PLCL1: variants seen among roughly 807,000 people sequenced by gnomAD.
PLCL1 encodes inactive phospholipase C-like protein 1.
In PLCL1, 41 loss-of-function variants were observed where a neutral mutation model predicts 84.4. That is an observed-to-expected ratio of 0.49 (90% CI 0.38 to 0.63). The LOEUF (loss-of-function observed/expected upper bound fraction) is 0.63. PLCL1 is among the 30% of genes least tolerant of loss of function. PLCL1 has a pLI of 0.00. For synonymous variants in PLCL1, 490 were observed against 488.3 expected (o/e 1.00, Z -0.05); for missense variants, 1,206 against 1,367.8 (o/e 0.88, Z 1.87).
intron 1 of PLCL1, among the ~76,000 whole-genome samples, chr2:197,955,015 G>T (rs868234462): frequency 6.6e-6 from 1 of 151,896 alleles, no homozygotes; most frequent in Non-Finnish European, 1.5e-5. Context: ...TTTTCTAGGC[G>T]GTGTATATAC....
intron 5 of PLCL1, among the ~76,000 whole-genome samples, chr2:198,109,348 C>T (rs1418806064): frequency 6.6e-6 from 1 of 151,848 alleles, no homozygotes; most frequent in Non-Finnish European, 1.5e-5. Context: ...CACTAATCAC[C>T]TCCTAAAGGC....
Position 197,805,414 on chromosome 2 carries a change from G to GC in PLCL1, c.240+75_240+76insC. ...GTCAGGGACCCGGGCAGGATGTGCG[G>GC]TGTCCGGAGGCATCCGGGCTCAGCA... On this transcript the variant is annotated intron_variant, in intron 1 of 5. Coordinates refer to ENST00000428675, the MANE Select transcript of PLCL1 (RefSeq NM_006226.4). This position sits in a 1 kb window ranked among gnomAD's most constrained non-coding sequence, Gnocchi z 4.0. The GC allele has an allele frequency of 8.1e-7, 1 of 1,234,294 alleles. No homozygotes were observed. 76.5% of individuals were successfully genotyped at this position (1,234,294 alleles called of 1,614,324 possible). A position where few individuals can be genotyped will look rare whatever the true frequency, so the allele number is the denominator to read the frequency against.
chr2:198,135,718 C>T (rs1694240314), intron 5 of PLCL1, among the ~76,000 whole-genome samples: 1 of 152,150 alleles, frequency 6.6e-6, no homozygotes, highest in Non-Finnish European at 1.5e-5. Context: ...CAGAGCACCC[C>T]CGTAGGAACC....
chr2:197,930,366 G>T (rs1164269672), intron 1 of PLCL1, among the ~76,000 whole-genome samples: 1 of 152,146 alleles, frequency 6.6e-6, no homozygotes, highest in East Asian at 1.9e-4. Context: ...ACATGCAAAT[G>T]ATATGACTGA....
At chr2:198,115,214 G>T (rs1375217521) in intron 5 of PLCL1, among the ~76,000 whole-genome samples, 1 of 151,854 alleles carries the variant, frequency 6.6e-6, no homozygotes, top group African/African-American at 2.4e-5. Flanking sequence ...CAAAGTTCCA[G>T]GGCCTAAGGG....
chr2:197,879,495 T>G (rs901507209), intron 1 of PLCL1, among the ~76,000 whole-genome samples: 1 of 152,158 alleles, frequency 6.6e-6, no homozygotes, highest in African/African-American at 2.4e-5. Flanking sequence ...AAAATGGATT[T>G]TTTTTGGCCT....
intron 1 of PLCL1, among the ~76,000 whole-genome samples, chr2:197,922,767 G>A (rs1169023918): frequency 5.7e-5 from 7 of 122,572 alleles, no homozygotes; most frequent in African/African-American, 8.9e-5. Flanking sequence ...GTGGCTGGCC[G>A]GGCAGGGGGC....
At chr2:197,875,314 T>C (rs938782263) in intron 1 of PLCL1, among the ~76,000 whole-genome samples, 2 of 152,126 alleles carry the variant, frequency 1.3e-5, no homozygotes, top group Admixed American at 1.3e-4. Flanking sequence ...AATGTATTTA[T>C]GTAAAGTTCA....
At chr2:198,000,787 CTT>C (rs1690581970) in intron 1 of PLCL1, among the ~76,000 whole-genome samples, 1 of 151,158 alleles carries the variant, frequency 6.6e-6, no homozygotes, top group African/African-American at 2.4e-5. Flanking sequence ...ACTATTCAAA[CTT>C]TTCAAACTTT....
At chr2:197,807,449 G>A (rs1229519071) in intron 1 of PLCL1, among the ~76,000 whole-genome samples, 2 of 152,236 alleles carry the variant, frequency 1.3e-5, no homozygotes, top group Non-Finnish European at 2.9e-5. Flanking sequence ...AGTCATTGGG[G>A]TCTGTTCCCA....
At chr2:198,045,552 A>T (rs949094694) in intron 1 of PLCL1, among the ~76,000 whole-genome samples, 35 of 152,224 alleles carry the variant, frequency 2.3e-4, no homozygotes, top group Admixed American at 6.5e-5. Context: ...TAGAATTTCC[A>T]AATTGACATG....
intron 1 of PLCL1, among the ~76,000 whole-genome samples, chr2:197,869,881 C>T (rs552690516): frequency 1.1e-4 from 17 of 152,264 alleles, no homozygotes; most frequent in East Asian, 3.9e-4. Context: ...TCAGGGATCA[C>T]ATGAAAGAAA....
At chr2:197,964,770 GT>G (rs1389037740) in intron 1 of PLCL1, among the ~76,000 whole-genome samples, 4 of 152,038 alleles carry the variant, frequency 2.6e-5, no homozygotes, top group African/African-American at 4.8e-5. Flanking sequence ...TTTATACCCT[GT>G]TTTTTGAGAG....
intron 5 of PLCL1, among the ~76,000 whole-genome samples, chr2:198,131,653 C>G (rs538968524): frequency 6.6e-6 from 1 of 152,260 alleles, no homozygotes; most frequent in Non-Finnish European, 1.5e-5. Flanking sequence ...CAGCCATAAC[C>G]CCTATTCTTT....
chr2:197,947,232 A>G lies in PLCL1; in HGVS notation c.241-136526A>G, dbSNP rs1297711104. Among the ~76,000 whole-genome samples, 3 of 99,030 alleles carry G rather than the reference A, an allele frequency of 3.0e-5. No homozygotes were observed. In the Admixed American group the frequency reaches 3.2e-4, roughly 11 times the overall value. 65.0% of individuals were successfully genotyped at this position (99,030 alleles called of 152,430 possible). On this transcript the variant is annotated intron_variant, in intron 1 of 5. Transcript: ENST00000428675. ...TAAAGAGTAAAGGGTAGAGGTGCTT[A>G]GATAAATATATATATATATATATAT...
rs925475728 is a variant in PLCL1, at chr2:197,805,989, A to C, written c.240+650A>C. Reference sequence around the variant, plus strand: ...GAAAACGCTTCCTGACCCGCTAATCACCTCACAGAATTTCTCTCCATCCAT... The same window carrying C: ...GAAAACGCTTCCTGACCCGCTAATCCCCTCACAGAATTTCTCTCCATCCAT... On this transcript the variant is annotated intron_variant, in intron 1 of 5. Transcript: ENST00000428675. The surrounding 1 kb of genome is among the most constrained non-coding windows in gnomAD (Gnocchi z 4.0). Among the ~76,000 whole-genome samples, 1 of 152,122 alleles carries C rather than the reference A, an allele frequency of 6.6e-6. No individual in the cohort carries two copies. The highest frequency in any genetic ancestry group is 6.5e-5 in the Admixed American group (1 of 15,286).
chr2:197,896,485 T>C (rs1574936801), intron 1 of PLCL1, among the ~76,000 whole-genome samples: 1 of 152,000 alleles, frequency 6.6e-6, no homozygotes, highest in Admixed American at 6.6e-5. Context: ...TCTGGAATCA[T>C]ATCATTTTTA....
intron 1 of PLCL1, among the ~76,000 whole-genome samples, chr2:197,829,348 C>T (rs531981069): frequency 6.4e-4 from 97 of 152,256 alleles, no homozygotes; most frequent in African/African-American, 2.3e-3. Context: ...ACTTAGAGAG[C>T]TAGCTTTAAG....
intron 1 of PLCL1, among the ~76,000 whole-genome samples, chr2:198,004,858 A>G (rs545910538): frequency 1.3e-5 from 2 of 152,342 alleles, no homozygotes; most frequent in South Asian, 2.1e-4. Context: ...TAGACTTGCC[A>G]TGTCAGACTA....
Sources: allele counts gnomAD v4.1 joint callset (sites outside exome capture counted in the v4.1 genomes callset), GRCh38; gene constraint gnomAD v4.1.1; non-coding constraint Gnocchi (gnomAD v3.1); transcripts MANE v1.5; gene names NCBI Gene and HGNC (gene_info 2026-07-23, HGNC 2026-07-21).